The following SIDT1 variants were observed in gnomAD, a reference collection of about 807,000 sequenced individuals.
The protein encoded by SIDT1 is SID1 transmembrane family, member 1.
In SIDT1, 101 loss-of-function variants were observed where a neutral mutation model predicts 107.5. The ratio of observed to expected loss-of-function variants is 0.94; its 90% CI spans 0.80 to 1.11. The LOEUF (loss-of-function observed/expected upper bound fraction) is 1.11. Among genes scored for constraint, SIDT1 ranks in the 50% least tolerant of loss-of-function variants. SIDT1 has a pLI of 0.00. For synonymous variants in SIDT1, 395 were observed against 398.2 expected (o/e 0.99, Z 0.10); for missense variants, 1,076 against 1,058.2 (o/e 1.02, Z -0.23).
chr3:113,623,790 G>A (rs1946650379), intron 23 of SIDT1, 57 bp downstream of exon 23: 3 of 1,158,418 alleles, frequency 2.6e-6, no homozygotes, highest in African/African-American at 1.5e-5. Flanking sequence ...TGCCATTTTG[G>A]CCTTTCTACC....
intron 8 of SIDT1, 37 bp from the exon 9 acceptor site, chr3:113,585,140 G>C: frequency 7.0e-7 from 1 of 1,431,210 alleles, no homozygotes; most frequent in Non-Finnish European, 9.8e-7. Context: ...CTTTTCTGCA[G>C]AGGATGACCT....
rs1393839756 is a variant in SIDT1 at position 113,616,123 on chromosome 3, G to A, written c.1990G>A (p.Ala664Thr). The A allele has an allele frequency of 1.2e-6, 2 of 1,613,956 alleles. No homozygotes were observed. Among genetic ancestry groups the A allele is most frequent in the African/African-American group, 1.3e-5 (1 of 75,024 alleles). Residue 664 changes from alanine (A) to threonine (T), a missense_variant, in exon 20 of 25, where the codon GCC (alanine) becomes ACC (threonine). Ala to Thr is a moderately conservative substitution (Grantham distance 58). Transcript: ENST00000264852. ...AGATTTGGGAATTTTCCGGCGGGCT[G>A]CCATGGTGTTCTACACAGACTGTAT... ...KIDLGIFRRAAMVFYTDCIQQ... is the reference protein window; with the variant it reads ...KIDLGIFRRATMVFYTDCIQQ...
chr3:113,611,756 A>G (rs1295093401), intron 18 of SIDT1, among the ~76,000 whole-genome samples: 1 of 152,242 alleles, frequency 6.6e-6, no homozygotes, highest in Admixed American at 6.5e-5. Context: ...GGGAAAAAAC[A>G]GAAACCACCT....
chr3:113,564,106 G>A (rs1275042736), intron 1 of SIDT1, among the ~76,000 whole-genome samples: 2 of 152,024 alleles, frequency 1.3e-5, no homozygotes, highest in South Asian at 2.1e-4. Context: ...GCGCCACCAC[G>A]CCCAGCTAAT....
chr3:113,532,709 G>T lies in SIDT1; in HGVS notation c.-313G>T. ...ATCGGTCTAAATTCTGGCTGGGTAAGTGGGGGGATTCTCGGCGATGAGAAA... is the reference window on the plus strand; with the variant it reads ...ATCGGTCTAAATTCTGGCTGGGTAATTGGGGGGATTCTCGGCGATGAGAAA... On this transcript the variant is annotated 5_prime_UTR_variant, in exon 1 of 25. Coordinates refer to ENST00000264852, the MANE Select transcript of SIDT1 (RefSeq NM_017699.3). 1 of 316,612 alleles carries T rather than the reference G, an allele frequency of 3.2e-6. No individual in the cohort carries two copies. The highest frequency in any genetic ancestry group is 5.7e-6 in the Non-Finnish European group (1 of 174,154). 19.6% of individuals were successfully genotyped at this position (316,612 alleles called of 1,614,324 possible).
At chr3:113,611,268 C>A in intron 18 of SIDT1, 124 bp downstream of exon 18, 1 of 1,126,102 alleles carries the variant, frequency 8.9e-7, no homozygotes, top group Non-Finnish European at 1.3e-6. Context: ...ACAATTTCAT[C>A]TCATGACACA....
chr3:113,609,114 G>A (rs1180257926), intron 17 of SIDT1, among the ~76,000 whole-genome samples: 2 of 138,286 alleles, frequency 1.4e-5, no homozygotes, highest in African/African-American at 5.4e-5. Context: ...CCAGGCTGGA[G>A]TGCAGTGGCA....
At chr3:113,632,936 A>C (rs1456606652), downstream of SIDT1, 1 of 152,254 alleles carries the variant, frequency 6.6e-6, no homozygotes, top group Non-Finnish European at 1.5e-5. Context: ...CATGAAAAAA[A>C]CACATGATTA....
Position 113,623,568 on chromosome 3 carries a change from C to G in SIDT1, c.2196+36C>G, listed in dbSNP as rs750414336. ...GTGCCGGGAGCGGCTACCTCGGGCC[C>G]TCGGGCAGGCGAAGGCGGGGTCGCG... On this transcript the variant is annotated intron_variant, in intron 22 of 24. Coordinates refer to ENST00000264852, the MANE Select transcript of SIDT1 (RefSeq NM_017699.3). 1.1e-5 allele frequency: 17 copies of G among 1,600,818 alleles called. No individual in the cohort carries two copies. In the South Asian group the frequency reaches 1.9e-4, roughly 18 times the overall value.
chr3:113,596,891 C>G (rs1285663891), intron 10 of SIDT1, among the ~76,000 whole-genome samples: 1 of 152,154 alleles, frequency 6.6e-6, no homozygotes, highest in African/African-American at 2.4e-5. Flanking sequence ...ACCAAATGGC[C>G]AACCCAATCC....
chr3:113,559,652 T>C (rs1941239120), intron 1 of SIDT1, among the ~76,000 whole-genome samples: 1 of 152,060 alleles, frequency 6.6e-6, no homozygotes, highest in Non-Finnish European at 1.5e-5. Context: ...ACCATGTTGC[T>C]TAGGCTGGTT....
intron 1 of SIDT1, among the ~76,000 whole-genome samples, chr3:113,562,805 T>C (rs1042354828): frequency 3.3e-5 from 5 of 152,342 alleles, no homozygotes; most frequent in African/African-American, 1.2e-4. Flanking sequence ...TTGGTGAATA[T>C]ATTAAAAACT....
intron 1 of SIDT1, among the ~76,000 whole-genome samples, chr3:113,540,410 T>G (rs1938681038): frequency 6.6e-6 from 1 of 152,150 alleles, no homozygotes; most frequent in South Asian, 2.1e-4. Context: ...CACAACCATT[T>G]TAGAAAACAA....
chr3:113,592,974 C>G lies in SIDT1; in HGVS notation c.1002-31C>G, dbSNP rs757637840. On this transcript the variant is annotated intron_variant, in intron 9 of 24. Transcript: ENST00000264852. ...TGTAAAATGCTGAGGTTTTCACTGT[C>G]TTAGGAGCATGTGTATGTGCTTGTT... 9 of 1,574,434 alleles carry G rather than the reference C, an allele frequency of 5.7e-6. No individual in the cohort carries two copies. In the Admixed American group the frequency reaches 1.5e-4, roughly 26 times the overall value.
chr3:113,625,582 C>T (rs1240692361), intron 23 of SIDT1, among the ~76,000 whole-genome samples: 2 of 152,118 alleles, frequency 1.3e-5, no homozygotes, highest in African/African-American at 2.4e-5. Context: ...CTTTTTGATA[C>T]GAGCCTTTTT....
intron 9 of SIDT1, among the ~76,000 whole-genome samples, chr3:113,585,977 A>G (rs935737153): frequency 1.3e-5 from 2 of 152,234 alleles, no homozygotes; most frequent in Non-Finnish European, 1.5e-5. Context: ...GAGATTTACA[A>G]TAAACAAATG....
At chr3:113,613,513 G>A (rs564849325) in intron 19 of SIDT1, among the ~76,000 whole-genome samples, 1 of 152,194 alleles carries the variant, frequency 6.6e-6, no homozygotes, top group African/African-American at 2.4e-5. Flanking sequence ...GTTTTCAAAG[G>A]TTAATTCTTT....
In SIDT1 at chr3:113,603,997, G is replaced by C; in HGVS notation, c.1301G>C (p.Arg434Pro). 2.5e-6 allele frequency: 4 copies of C among 1,610,904 alleles called. No individual in the cohort carries two copies. The highest frequency in any genetic ancestry group is 1.7e-5 in the Admixed American group (1 of 59,808). ...CTGTCAGATTTGTCCAGGAAGGACC[G>C]GAGAATTGTCAGCAAAAAATATAAA... ...LYLSDLSRKD[R>P]RIVSKKYKIY... The change falls in exon 13 of 25, where the codon CGG becomes CCG. Residue 434 changes from arginine (R) to proline (P), a missense_variant. By Grantham distance (103) the Arg-to-Pro change is moderately radical. Coordinates refer to ENST00000264852, the MANE Select transcript of SIDT1 (RefSeq NM_017699.3).
Position 113,608,188 on chromosome 3 carries a change from G to A in SIDT1, c.1573G>A (p.Ala525Thr). The A allele has an allele frequency of 1.2e-6, 2 of 1,604,618 alleles. No homozygotes were observed. Among genetic ancestry groups the A allele is most frequent in the East Asian group, 4.5e-5 (2 of 44,760 alleles). Residue 525 changes from alanine (A) to threonine (T), a missense_variant, in exon 16 of 25, where the codon GCC becomes ACC. Transcript: ENST00000264852. ...VLRRDILHRR[A>T]LEAKDIFAVE... Reference sequence around the variant, plus strand: ...GCGCCGCGACATCCTCCATCGGAGAGCCCTGGAAGCCAAGGACATCTTTGC... The same window carrying A: ...GCGCCGCGACATCCTCCATCGGAGAACCCTGGAAGCCAAGGACATCTTTGC...
Sources: gnomAD v4.1 joint callset for allele counts (sites outside exome capture counted in the v4.1 genomes callset) on GRCh38, gnomAD v4.1.1 for gene constraint, MANE v1.5 for transcripts, NCBI Gene and HGNC (gene_info 2026-07-23, HGNC 2026-07-21) for gene names.